Variants in KIF18A observed in about 807,000 individuals in gnomAD.
KIF18A encodes kinesin-like protein KIF18A.
A neutral mutation model predicts 103.3 loss-of-function variants in KIF18A; 67 were observed. That is an observed-to-expected ratio of 0.65 (90% CI 0.53 to 0.79). The LOEUF (loss-of-function observed/expected upper bound fraction) is 0.79, where lower values mean the gene tolerates loss of function less well. Among genes scored for constraint, KIF18A ranks in the 30% least tolerant of loss-of-function variants. The pLI, the probability that KIF18A is intolerant of heterozygous loss-of-function variation, is 0.00. For synonymous variants in KIF18A, 367 were observed against 355.5 expected, an observed-to-expected ratio of 1.03 and a Z score of -0.36; for missense variants, 1,032 against 1,062.5, an observed-to-expected ratio of 0.97 and a Z score of 0.40.
intron 13 of KIF18A, among the ~76,000 whole-genome samples, chr11:28,058,489 GAAAA>G (rs34177202): frequency 0.021 from 1,154 of 54,162 alleles, 8 homozygotes; most frequent in Admixed American, 0.036. Context: ...GTTTCTACAG[GAAAA>G]AAAAAAAAAA....
At chr11:28,094,557 G>T in intron 3 of KIF18A, 86 bp downstream of exon 3, 2 of 877,114 alleles carry the variant, frequency 2.3e-6, no homozygotes, top group Non-Finnish European at 1.7e-6. Context: ...TATATTCACC[G>T]GAAAACTCTT....
intron 2 of KIF18A, among the ~76,000 whole-genome samples, chr11:28,096,415 C>T (rs746875762): frequency 4.6e-5 from 7 of 152,044 alleles, no homozygotes; most frequent in Admixed American, 4.6e-4. Flanking sequence ...TTTATGTAAG[C>T]TGGTATATAA....
chr11:28,022,166 T>C (rs1230829013), intron 16 of KIF18A, among the ~76,000 whole-genome samples: 3 of 152,122 alleles, frequency 2.0e-5, no homozygotes, highest in Admixed American at 1.3e-4. Flanking sequence ...TTTTTCCCCA[T>C]AGTAGATATT....
At chr11:28,029,243 C>T (rs1490418489) in intron 15 of KIF18A, among the ~76,000 whole-genome samples, 1 of 152,152 alleles carries the variant, frequency 6.6e-6, no homozygotes, top group Non-Finnish European at 1.5e-5. Flanking sequence ...GAATTTTAGA[C>T]CAATATCCCT....
chr11:28,071,033 C>T (rs1013739340), intron 10 of KIF18A, among the ~76,000 whole-genome samples: 4 of 152,124 alleles, frequency 2.6e-5, no homozygotes, highest in Non-Finnish European at 5.9e-5. Context: ...TGTGCCACTG[C>T]ACTCTAGCCT....
In KIF18A at chr11:28,023,788, T is replaced by C; in HGVS notation, c.2567A>G (p.Gln856Arg). 1 of 1,613,284 alleles carries C rather than the reference T, an allele frequency of 6.2e-7. No individual in the cohort carries two copies. Among genetic ancestry groups the C allele is most frequent in the Non-Finnish European group, 8.5e-7 (1 of 1,179,390 alleles). Residue 856 changes from glutamine to arginine, a missense_variant, in exon 16 of 17, where the codon CAA becomes CGA. Transcript: ENST00000263181. ...TAAGTGCTTCTCACTTGAATTATCT[T>C]GTCGAACACGTTTGGCAAATCCAGA... ...VNSGFAKRVR[Q>R]DNSSEKHLQE...
At chr11:28,106,070 A>G (rs1851500059) in intron 1 of KIF18A, among the ~76,000 whole-genome samples, 1 of 152,218 alleles carries the variant, frequency 6.6e-6, no homozygotes, top group African/African-American at 2.4e-5. Flanking sequence ...AAGTACTATA[A>G]TAAATTTAAT....
At chr11:28,037,400 T>C (rs1326656407) in intron 13 of KIF18A, among the ~76,000 whole-genome samples, 1 of 151,564 alleles carries the variant, frequency 6.6e-6, no homozygotes, top group South Asian at 2.1e-4. Flanking sequence ...TAAAAAAATA[T>C]ACAATATAAC....
intron 15 of KIF18A, among the ~76,000 whole-genome samples, chr11:28,027,257 T>G (rs1291921426): frequency 6.6e-6 from 1 of 151,856 alleles, no homozygotes; most frequent in Non-Finnish European, 1.5e-5. Context: ...ATTTATTGAG[T>G]ATATTTGTCA....
chr11:28,098,984 A>G (rs940070512), intron 1 of KIF18A, among the ~76,000 whole-genome samples: 2 of 152,146 alleles, frequency 1.3e-5, no homozygotes, highest in Admixed American at 6.6e-5. Context: ...CCCACTTCTG[A>G]GTATATATCC....
chr11:28,059,093 T>C lies in KIF18A; in HGVS notation c.1781A>G (p.Asn594Ser), dbSNP rs73434496. 653 of 1,614,082 alleles carry C rather than the reference T, an allele frequency of 4.0e-4. No homozygotes were observed. The African/African-American group carries it at 7.8e-3, about 19-fold the overall frequency. Residue 594 changes from asparagine to serine, a missense_variant, in exon 13 of 17, where the codon AAT becomes AGT. Asn to Ser is a conservative substitution (Grantham distance 46). Coordinates refer to ENST00000263181, the MANE Select transcript of KIF18A (RefSeq NM_031217.4). ...TTTGAAGTCAGATTCAAAAGCAGCA[T>C]TTGACAGGCCGGCTTCTTTTAATGT... ...YCTLKEAGLS[N>S]AAFESDFKEI... is the part of the protein sequence containing the mutation.
intron 2 of KIF18A, among the ~76,000 whole-genome samples, chr11:28,096,847 C>A: frequency 6.8e-6 from 1 of 147,498 alleles, no homozygotes; most frequent in Non-Finnish European, 1.5e-5. Context: ...AAAAACTGGC[C>A]ATTTTGCATC....
chr11:28,032,795 A>G (rs1850428405), intron 15 of KIF18A, among the ~76,000 whole-genome samples: 1 of 151,940 alleles, frequency 6.6e-6, no homozygotes, highest in African/African-American at 2.4e-5. Flanking sequence ...ACTCTCCAGG[A>G]CACTGGACTG....
At chr11:28,084,867 CCACTTTAG>C (rs1851207878) in intron 6 of KIF18A, 59 bp from the exon 7 acceptor site, 1 of 1,345,178 alleles carries the variant, frequency 7.4e-7, no homozygotes, top group Non-Finnish European at 1.0e-6. Flanking sequence ...AAACCTGCTA[CCACTTTAG>C]CACTTCACTG....
intron 3 of KIF18A, among the ~76,000 whole-genome samples, 189 bp downstream of exon 3, chr11:28,094,454 A>G (rs1007614077): frequency 2.0e-5 from 3 of 151,302 alleles, no homozygotes; most frequent in African/African-American, 7.3e-5. Flanking sequence ...CAACTTCTCT[A>G]TAAGTCTGAA....
chr11:28,066,702 GA>G (rs1850932000), intron 11 of KIF18A, among the ~76,000 whole-genome samples: 1 of 150,428 alleles, frequency 6.6e-6, no homozygotes, highest in South Asian at 2.1e-4. Flanking sequence ...CCAGCTGGAA[GA>G]AAATCTACAC....
chr11:28,107,407 G>T (rs1417675133), intron 1 of KIF18A, among the ~76,000 whole-genome samples: 1 of 150,608 alleles, frequency 6.6e-6, no homozygotes, highest in East Asian at 1.9e-4. Context: ...CGGAAACCAA[G>T]AACAGACTAT....
intron 3 of KIF18A, among the ~76,000 whole-genome samples, chr11:28,092,500 T>G (rs1174780230): frequency 6.6e-6 from 1 of 152,196 alleles, no homozygotes; most frequent in Non-Finnish European, 1.5e-5. Flanking sequence ...ACTGAATACA[T>G]ATCTGTAGTT....
At chr11:28,036,066 T>C (rs1196983924) in intron 14 of KIF18A, 151 bp downstream of exon 14, 1 of 576,030 alleles carries the variant, frequency 1.7e-6, no homozygotes, top group Non-Finnish European at 3.0e-6. Context: ...AGTGAATTAA[T>C]ATTCAGAGAG....
Sources: allele counts gnomAD v4.1 joint callset (sites outside exome capture counted in the v4.1 genomes callset), GRCh38; gene constraint gnomAD v4.1.1; transcripts MANE v1.5; gene names NCBI Gene and HGNC (gene_info 2026-07-23, HGNC 2026-07-21).